CEP104: variants seen among roughly 807,000 people sequenced by gnomAD.
CEP104 encodes centrosomal protein of 104 kDa.
Under a neutral mutation model 113.3 loss-of-function variants are expected in CEP104, and 84 were observed. That is an observed-to-expected ratio of 0.74 (90% CI 0.62 to 0.89). The LOEUF (loss-of-function observed/expected upper bound fraction) is 0.89, where lower values mean the gene tolerates loss of function less well. Among genes scored for constraint, CEP104 ranks in the 40% least tolerant of loss-of-function variants. The probability of loss-of-function intolerance (pLI) is 0.00; values close to 1 mark genes in which losing one functional copy is unlikely to be tolerated. For synonymous variants in CEP104, 378 were observed against 421.7 expected (o/e 0.90, Z 1.27); for missense variants, 1,053 against 1,156.6 (o/e 0.91, Z 1.30).
rs774477038 is a variant in CEP104 at position 3,831,040 on chromosome 1, G to A, written c.1836+6C>T. ...GCGTGGTGTGTCACACGCGAGGTCT[G>A]CTTACCTTCATCACGTTGTCAATGG... is the stretch of plus-strand genomic sequence containing the variant. On this transcript the variant is annotated splice_donor_region_variant and intron_variant, in intron 13 of 21. Transcript: ENST00000378230. 13 of 1,612,220 alleles carry A rather than the reference G, an allele frequency of 8.1e-6. No homozygotes were observed. The African/African-American group carries it at 9.3e-5, about 12-fold the overall frequency.
At chr1:3,829,706 G>A (rs1200325509) in intron 14 of CEP104, 85 bp downstream of exon 14, 11 of 1,405,318 alleles carry the variant, frequency 7.8e-6, no homozygotes, top group Admixed American at 1.7e-5. Context: ...TCCTTCAAAT[G>A]ACATATTTAC....
intron 15 of CEP104, 69 bp from the exon 16 acceptor site, chr1:3,826,813 A>G: frequency 6.8e-7 from 1 of 1,465,422 alleles, no homozygotes; most frequent in Non-Finnish European, 9.5e-7. Flanking sequence ...CCTGTTGAAG[A>G]TATGTTTTCA....
Position 3,847,543 on chromosome 1 carries a change from C to T in CEP104, c.358G>A (p.Ala120Thr). ...ATCAGTTTAAGAAATTGTCCTACTGCATCCACATAAACTGATTTTAGTTCC... is the reference window on the plus strand; with the variant it reads ...ATCAGTTTAAGAAATTGTCCTACTGTATCCACATAAACTGATTTTAGTTCC... ...ARELKSVYVDAVGQFLKLIFH... is the reference protein window; with the variant it reads ...ARELKSVYVDTVGQFLKLIFH... Residue 120 changes from alanine to threonine, a missense_variant, in exon 4 of 22, where the codon GCA (alanine) becomes ACA (threonine). Ala to Thr is a moderately conservative substitution (Grantham distance 58). Transcript: ENST00000378230. 1 of 1,613,172 alleles carries T rather than the reference C, an allele frequency of 6.2e-7. No individual in the cohort carries two copies. Among genetic ancestry groups the T allele is most frequent in the African/African-American group, 1.3e-5 (1 of 75,008 alleles).
chr1:3,825,732 G>A (rs1333555042), intron 18 of CEP104, 26 bp downstream of exon 18: 1 of 1,451,058 alleles, frequency 6.9e-7, no homozygotes, highest in African/African-American at 1.4e-5. Context: ...CATGCAAGTA[G>A]CTGGCTGCTG....
intron 21 of CEP104, among the ~76,000 whole-genome samples, chr1:3,815,993 T>TTAG (rs1643874457): frequency 6.6e-6 from 1 of 152,122 alleles, no homozygotes; most frequent in Non-Finnish European, 1.5e-5. Flanking sequence ...TTCTAAACAC[T>TTAG]TGAGTCAGTG....
At chr1:3,856,181 G>A (rs368335394) in intron 1 of CEP104, among the ~76,000 whole-genome samples, 1 of 152,220 alleles carries the variant, frequency 6.6e-6, no homozygotes, top group Non-Finnish European at 1.5e-5. Context: ...GGCCGAGGAG[G>A]GCGTATTACT....
chr1:3,846,676 G>T (rs1570841857), intron 4 of CEP104, among the ~76,000 whole-genome samples: 2 of 152,268 alleles, frequency 1.3e-5, no homozygotes, highest in East Asian at 1.9e-4. Context: ...CTGGCTTCCT[G>T]GCGTGTTATG....
At position 3,823,288 on chromosome 1, in the gene CEP104, A is replaced by C. The variant is rs1005951808; in HGVS notation, c.2504-47T>G. ...TCAGTCGCTCCCTGAATGACAGGCG[A>C]CAAGACATGCTGCTGGCCTGCCCGC... On this transcript the variant is annotated intron_variant, in intron 19 of 21. Coordinates refer to ENST00000378230, the MANE Select transcript of CEP104 (RefSeq NM_014704.4). The surrounding 1 kb of genome is among the most constrained non-coding windows in gnomAD (Gnocchi z 4.1). 1 of 1,612,004 alleles carries C rather than the reference A, an allele frequency of 6.2e-7. No individual in the cohort carries two copies. Among genetic ancestry groups the C allele is most frequent in the Non-Finnish European group, 8.5e-7 (1 of 1,178,154 alleles).
At chr1:3,853,603 GA>G (rs1644657809) in intron 1 of CEP104, among the ~76,000 whole-genome samples, 1 of 152,106 alleles carries the variant, frequency 6.6e-6, no homozygotes, top group Non-Finnish European at 1.5e-5. Context: ...ATTCGAAGAG[GA>G]CCACTTCAAT....
At chr1:3,831,017 G>A in intron 13 of CEP104, 29 bp downstream of exon 13, 1 of 1,603,690 alleles carries the variant, frequency 6.2e-7, no homozygotes, top group Non-Finnish European at 8.5e-7. Flanking sequence ...GCTGGGCCGC[G>A]TGGTGTGTCA....
intron 1 of CEP104, among the ~76,000 whole-genome samples, chr1:3,856,605 A>G (rs1309637960): frequency 6.6e-6 from 1 of 152,234 alleles, no homozygotes; most frequent in African/African-American, 2.4e-5. Context: ...GAAAAGCCGG[A>G]TCTGAAAACA....
chr1:3,822,502 C>T (rs906875132), intron 20 of CEP104, among the ~76,000 whole-genome samples: 6 of 152,208 alleles, frequency 3.9e-5, no homozygotes, highest in African/African-American at 1.2e-4. Context: ...GCCAGATTCC[C>T]AAACTGGGTC....
chr1:3,826,469 T>C, intron 16 of CEP104, 33 bp from the exon 17 acceptor site: 1 of 1,577,226 alleles, frequency 6.3e-7, no homozygotes, highest in South Asian at 1.1e-5. Flanking sequence ...AATAACTTTT[T>C]ATAGAAATTA....
intron 6 of CEP104, among the ~76,000 whole-genome samples, chr1:3,841,307 C>G (rs926131157): frequency 1.3e-5 from 2 of 151,414 alleles, no homozygotes; most frequent in Non-Finnish European, 2.9e-5. Context: ...ATCTCCCCAC[C>G]CTTGAGGTCA....
In CEP104 at chr1:3,852,355, C is replaced by A. The variant is rs775734984; in HGVS notation, c.53G>T (p.Gly18Val). Residue 18 changes from glycine (G) to valine (V), a missense_variant, in exon 2 of 22, where the codon GGC (glycine) becomes GTC (valine). Physicochemically the swap from Gly to Val is moderately radical, Grantham distance 109 (BLOSUM62 -3). Transcript: ENST00000378230. The part of the protein sequence containing the change: ...VVVSSSGHED[G>V]FSARELMIHA... ...GATCATGAGCTCCCGGGCACTGAAG[C>A]CGTCTTCGTGTCCAGATGAGCTGAC... 1.7e-5 allele frequency: 28 copies of A among 1,614,014 alleles called. No homozygotes were observed. Among genetic ancestry groups the A allele is most frequent in the Non-Finnish European group, 2.2e-5 (26 of 1,180,038 alleles).
Position 3,844,940 on chromosome 1 carries a change from C to T in CEP104, c.533G>A (p.Ser178Asn), listed in dbSNP as rs1274958140. ...CGTTCCTTCTAGAGCAGGGTCCTCGCTGTTGTGCCCAAGGTAGTGGTCAAT... is the reference window on the plus strand; with the variant it reads ...CGTTCCTTCTAGAGCAGGGTCCTCGTTGTTGTGCCCAAGGTAGTGGTCAAT... ...KLIDHYLGHN[S>N]EDPALEGTYA... Residue 178 changes from serine (S) to asparagine (N), a missense_variant, in exon 6 of 22, where the codon AGC becomes AAC. By Grantham distance (46) the Ser-to-Asn change is conservative (BLOSUM62 1). Coordinates refer to ENST00000378230, the MANE Select transcript of CEP104 (RefSeq NM_014704.4). The T allele has an allele frequency of 6.2e-7, 1 of 1,614,016 alleles. No individual in the cohort carries two copies. Among genetic ancestry groups the T allele is most frequent in the African/African-American group, 1.3e-5 (1 of 74,920 alleles).
Position 3,848,588 on chromosome 1 carries a change from A to C in CEP104, c.287+20T>G. 1 of 1,590,352 alleles carries C rather than the reference A, an allele frequency of 6.3e-7. No homozygotes were observed. The highest frequency in any genetic ancestry group is 1.7e-4 in the Middle Eastern group (1 of 5,984). Reference sequence around the variant, plus strand: ...ATTAGCCTAAAAGCTGCCATGATACATTTTAAATTTCATTCTTACCCAAGT... The same window carrying C: ...ATTAGCCTAAAAGCTGCCATGATACCTTTTAAATTTCATTCTTACCCAAGT... On this transcript the variant is annotated intron_variant, in intron 3 of 21. Coordinates refer to ENST00000378230, the MANE Select transcript of CEP104 (RefSeq NM_014704.4).
chr1:3,820,127 C>T (rs35265446), intron 20 of CEP104, among the ~76,000 whole-genome samples: 1 of 152,004 alleles, frequency 6.6e-6, no homozygotes, highest in Admixed American at 6.6e-5. Context: ...ACAGGGAAAG[C>T]AGATGACACA....
Position 3,847,607 on chromosome 1 carries a change from C to T in CEP104, c.294G>A (p.Val98=). ...QAERFRRLGY[V]SLCDNEKTGC... is the part of the protein sequence containing the mutation. ...CTGTCTTTTCATTATCACAGAGAGA[C>T]ACGTAGCTGAAAAACAAAACACAAC... The change falls in exon 4 of 22, where the codon GTG becomes GTA. Residue 98 remains valine (V), a synonymous_variant. Transcript: ENST00000378230. The T allele has an allele frequency of 6.2e-7, 1 of 1,614,044 alleles. No individual in the cohort carries two copies. Among genetic ancestry groups the T allele is most frequent in the South Asian group, 1.1e-5 (1 of 91,074 alleles).
Sources: allele counts gnomAD v4.1 joint callset (sites outside exome capture counted in the v4.1 genomes callset), GRCh38; gene constraint gnomAD v4.1.1; non-coding constraint Gnocchi (gnomAD v3.1); transcripts MANE v1.5; gene names NCBI Gene and HGNC (gene_info 2026-07-23, HGNC 2026-07-21).